Variants in ATP8A2 observed in about 807,000 individuals in gnomAD.
The protein encoded by ATP8A2 is phospholipid-transporting ATPase IB.
Under a neutral mutation model 165.6 loss-of-function variants are expected in ATP8A2, and 100 were observed. The observed-to-expected ratio is 0.60, with a 90% CI of 0.51 to 0.71. The LOEUF (loss-of-function observed/expected upper bound fraction) is 0.71. ATP8A2 is among the 30% of genes least tolerant of loss of function. ATP8A2 has a pLI of 0.00. For synonymous variants in ATP8A2, 543 were observed against 548.8 expected, an observed-to-expected ratio of 0.99 and a Z score of 0.15; for missense variants, 1,227 against 1,479.5, an observed-to-expected ratio of 0.83 and a Z score of 2.80.
In ATP8A2 at chr13:25,372,125, A is replaced by G. The variant is rs1464617341; in HGVS notation, c.-88A>G. On this transcript the variant is annotated 5_prime_UTR_variant, in exon 1 of 37. It removes an upstream start codon present in the reference 5' UTR. Coordinates refer to ENST00000381655, the MANE Select transcript of ATP8A2 (RefSeq NM_016529.6). The surrounding 1 kb of genome is among the most constrained non-coding windows in gnomAD (Gnocchi z 4.8). ...AGCCCGGCGAGGCGCTGGCCCACCC[A>G]TGGTCCTCGGGCGGCGGCCCCTGCG... 3.2e-6 allele frequency: 3 copies of G among 944,438 alleles called. No individual in the cohort carries two copies. The highest frequency in any genetic ancestry group is 4.2e-6 in the Non-Finnish European group (3 of 721,470). 58.5% of individuals were successfully genotyped at this position (944,438 alleles called of 1,614,324 possible). A position where few individuals can be genotyped will look rare whatever the true frequency, so the allele number is the denominator to read the frequency against.
chr13:25,700,574 T>G (rs948364416), intron 25 of ATP8A2, among the ~76,000 whole-genome samples: 1 of 152,028 alleles, frequency 6.6e-6, no homozygotes, highest in Admixed American at 6.5e-5. Context: ...TTCCATTGTT[T>G]AGATGTAACA....
chr13:25,526,842 G>T (rs1314225380), intron 2 of ATP8A2, among the ~76,000 whole-genome samples: 1 of 152,182 alleles, frequency 6.6e-6, no homozygotes, highest in Non-Finnish European at 1.5e-5. Context: ...CTTCCTGTGA[G>T]TTGAGGTAGG....
intron 30 of ATP8A2, among the ~76,000 whole-genome samples, chr13:25,849,708 A>G (rs1264728883): frequency 6.6e-6 from 1 of 152,150 alleles, no homozygotes; most frequent in Non-Finnish European, 1.5e-5. Flanking sequence ...GGCTAATCCT[A>G]TGTTAGTTAT....
At chr13:25,609,560 T>G (rs1319320552) in intron 24 of ATP8A2, among the ~76,000 whole-genome samples, 8 of 143,542 alleles carry the variant, frequency 5.6e-5, no homozygotes, top group African/African-American at 1.8e-4. Context: ...TATATATATT[T>G]GGATTCAAAT....
chr13:25,706,241 G>A (rs532817598), intron 25 of ATP8A2, among the ~76,000 whole-genome samples: 1 of 152,110 alleles, frequency 6.6e-6, no homozygotes, highest in African/African-American at 2.4e-5. Context: ...AGGTTATTTT[G>A]TGAAAGTATG....
chr13:25,810,442 A>G (rs17082775), intron 27 of ATP8A2, among the ~76,000 whole-genome samples: 5,019 of 152,126 alleles, frequency 0.033, 294 homozygotes, highest in African/African-American at 0.11. Context: ...TTGGGATGAA[A>G]AAAGCAAATA....
chr13:25,469,195 G>A (rs2035767285), intron 2 of ATP8A2, 74 bp downstream of exon 2: 8 of 1,542,342 alleles, frequency 5.2e-6, no homozygotes, highest in South Asian at 4.7e-5. Context: ...TCCTGCGCGG[G>A]GCTTGGCCGC....
At chr13:25,709,033 T>TC (rs1214026994) in intron 25 of ATP8A2, among the ~76,000 whole-genome samples, 5 of 152,172 alleles carry the variant, frequency 3.3e-5, no homozygotes, top group Non-Finnish European at 5.9e-5. Flanking sequence ...GTTAACCAGT[T>TC]AACTGAGCTC....
At chr13:25,937,362 C>CTTTTTTTTTT (rs1555293658) in intron 33 of ATP8A2, among the ~76,000 whole-genome samples, 35 of 38,794 alleles carry the variant, frequency 9.0e-4, no homozygotes, top group Middle Eastern at 0.02. Flanking sequence ...TTCTTTCTTT[C>CTTTTTTTTTT]TTTTTTTTTT....
chr13:25,385,903 G>A (rs562524329), intron 1 of ATP8A2, among the ~76,000 whole-genome samples: 7 of 151,122 alleles, frequency 4.6e-5, no homozygotes, highest in African/African-American at 1.7e-4. Flanking sequence ...GTGTTGCCCA[G>A]ACTTGGGCTT....
intron 33 of ATP8A2, among the ~76,000 whole-genome samples, chr13:25,923,899 T>A (rs1040208646): frequency 2.0e-5 from 3 of 152,224 alleles, no homozygotes; most frequent in African/African-American, 7.2e-5. Flanking sequence ...GGTTGTTCTC[T>A]GGCTGCATAA....
chr13:25,894,641 A>G (rs558662213), intron 33 of ATP8A2, among the ~76,000 whole-genome samples: 6 of 152,322 alleles, frequency 3.9e-5, no homozygotes, highest in Middle Eastern at 3.4e-3. Context: ...GGCCATTTTC[A>G]TGATATTGAT....
chr13:25,771,913 C>T lies in ATP8A2; in HGVS notation c.2568+2684C>T, dbSNP rs144620746. Reference sequence around the variant, plus strand: ...ATCTCTGGTTGTTTATCGCCTTGGGCTTTATCTGTTCATTTTAATGTGGAT... The same window carrying T: ...ATCTCTGGTTGTTTATCGCCTTGGGTTTTATCTGTTCATTTTAATGTGGAT... On this transcript the variant is annotated intron_variant, in intron 26 of 36. Transcript: ENST00000381655. Among the ~76,000 whole-genome samples, 1,066 of 152,220 alleles carry T rather than the reference C, an allele frequency of 7.0e-3. 15 individuals are homozygous for T. Among genetic ancestry groups the T allele is most frequent in the African/African-American group, 0.024 (1,001 of 41,528 alleles).
At chr13:25,937,358 C>CTTTTTTTT (rs1566284206) in intron 33 of ATP8A2, among the ~76,000 whole-genome samples, 1 of 11,838 alleles carries the variant, frequency 8.4e-5, no homozygotes, top group Non-Finnish European at 1.8e-4. Context: ...TCTATTCTTT[C>CTTTTTTTT]TTTCTTTTTT....
chr13:25,642,229 A>G (rs921144357), intron 24 of ATP8A2, among the ~76,000 whole-genome samples: 13 of 152,254 alleles, frequency 8.5e-5, no homozygotes, highest in African/African-American at 2.7e-4. Flanking sequence ...AGCAATGGCA[A>G]CAAAAGCCAA....
intron 24 of ATP8A2, among the ~76,000 whole-genome samples, chr13:25,649,438 G>T (rs140186717): frequency 3.3e-5 from 5 of 152,292 alleles, no homozygotes; most frequent in African/African-American, 7.2e-5. Flanking sequence ...TCAAAGTTAA[G>T]TGGAGACACT....
chr13:25,918,172 G>A (rs1294746261), intron 33 of ATP8A2, among the ~76,000 whole-genome samples: 2 of 152,218 alleles, frequency 1.3e-5, no homozygotes, highest in African/African-American at 4.8e-5. Context: ...AAATAAAAGG[G>A]CAATGGTGCA....
rs951267944 is a variant in ATP8A2 at position 25,635,842 on chromosome 13, T to C, written c.2211+46143T>C. 6.6e-5 allele frequency among the ~76,000 whole-genome samples: 10 copies of C among 152,222 alleles called. 1 individual carries two copies. Among genetic ancestry groups the C allele is most frequent in the African/African-American group, 2.2e-4 (9 of 41,474 alleles). On this transcript the variant is annotated intron_variant, in intron 24 of 36. Coordinates refer to ENST00000381655, the MANE Select transcript of ATP8A2 (RefSeq NM_016529.6). ...AGCTGGACCTTTGTCCTCAAGGGGC[T>C]CAGAGATTAATGAGAAGACAGAAAT...
chr13:26,000,491 C>G (rs1414562109), intron 35 of ATP8A2, among the ~76,000 whole-genome samples: 1 of 152,130 alleles, frequency 6.6e-6, no homozygotes, highest in Non-Finnish European at 1.5e-5. Flanking sequence ...TGAGACTGAT[C>G]ATTTTTTGAG....
Sources: gnomAD v4.1 joint callset for allele counts (sites outside exome capture counted in the v4.1 genomes callset) on GRCh38, gnomAD v4.1.1 for gene constraint, Gnocchi (gnomAD v3.1) non-coding constraint, MANE v1.5 for transcripts, NCBI Gene and HGNC (gene_info 2026-07-23, HGNC 2026-07-21) for gene names.